The following GABRG3 variants were observed in gnomAD, a reference collection of about 807,000 sequenced individuals.
GABRG3 encodes the protein gamma-aminobutyric acid type A receptor subunit gamma3.
A neutral mutation model predicts 48.8 loss-of-function variants in GABRG3; 25 were observed. The observed-to-expected ratio is 0.51, with a 90% CI of 0.37 to 0.72. The LOEUF is 0.72. Among genes scored for constraint, GABRG3 ranks in the 30% least tolerant of loss-of-function variants. The pLI, the probability that GABRG3 is intolerant of heterozygous loss-of-function variation, is 0.00. For missense variants in GABRG3, 394 were observed against 577.9 expected (o/e 0.68, Z 3.26); for synonymous variants, 227 against 217.6 (o/e 1.04, Z -0.38).
At chr15:27,071,989 A>G (rs376959649) in intron 3 of GABRG3, among the ~76,000 whole-genome samples, 2 of 152,216 alleles carry the variant, frequency 1.3e-5, no homozygotes, top group African/African-American at 2.4e-5. Flanking sequence ...GACGGTATTT[A>G]AGCCATAAGC....
At chr15:27,357,138 G>T (rs146145720) in intron 5 of GABRG3, among the ~76,000 whole-genome samples, 1 of 152,064 alleles carries the variant, frequency 6.6e-6, no homozygotes, top group Non-Finnish European at 1.5e-5. Flanking sequence ...TGATCACGGC[G>T]CCTCTCATTG....
At chr15:27,172,119 A>G (rs970064782) in intron 3 of GABRG3, among the ~76,000 whole-genome samples, 2 of 152,186 alleles carry the variant, frequency 1.3e-5, no homozygotes, top group African/African-American at 4.8e-5. Context: ...GCCTCTTAAT[A>G]CCATTACAAT....
In GABRG3 at chr15:27,516,202, A is replaced by G. The variant is rs1891015260; in HGVS notation, c.713-3770A>G. Among the ~76,000 whole-genome samples, 3 of 152,182 alleles carry G rather than the reference A, an allele frequency of 2.0e-5. No individual in the cohort carries two copies. In the South Asian group the frequency reaches 6.2e-4, roughly 32 times the overall value. Reference sequence around the variant, plus strand: ...ATTAAAATAATAATTTTGCAAACATAAAGTTTAGTAAAATGAAGAAAAAGG... The same window carrying G: ...ATTAAAATAATAATTTTGCAAACATGAAGTTTAGTAAAATGAAGAAAAAGG... On this transcript the variant is annotated intron_variant, in intron 6 of 9. Coordinates refer to ENST00000615808, the MANE Select transcript of GABRG3 (RefSeq NM_033223.5).
At chr15:27,485,018 T>A (rs1207763926) in intron 6 of GABRG3, among the ~76,000 whole-genome samples, 1 of 152,214 alleles carries the variant, frequency 6.6e-6, no homozygotes, top group East Asian at 1.9e-4. Context: ...TAGCCCCCAC[T>A]CTTTAATTGT....
At chr15:27,216,789 T>TTTA in intron 3 of GABRG3, among the ~76,000 whole-genome samples, 1 of 124,664 alleles carries the variant, frequency 8.0e-6, no homozygotes, top group East Asian at 2.7e-4. Flanking sequence ...TTTTTTTTTT[T>TTTA]ATTATACTCT....
Position 26,971,504 on chromosome 15 carries a change from C to T in GABRG3, c.-32C>T, listed in dbSNP as rs1381682637. ...GGAGGAAGCCGCGCCCGGCCGAGGC[C>T]CCGGACCCTGCGCCCCGAGCTCCAC... On this transcript the variant is annotated 5_prime_UTR_variant, in exon 1 of 10. Transcript: ENST00000615808. The T allele has an allele frequency of 4.0e-6, 6 of 1,498,786 alleles. No individual in the cohort carries two copies. Among genetic ancestry groups the T allele is most frequent in the Non-Finnish European group, 4.5e-6 (5 of 1,122,554 alleles). The allele number at this position is 1,498,786 out of a possible 1,614,324, so 92.8% of individuals were successfully genotyped here. A position where few individuals can be genotyped will look rare whatever the true frequency, so the allele number is the denominator to read the frequency against.
chr15:27,376,806 G>T (rs899087856), intron 5 of GABRG3, among the ~76,000 whole-genome samples: 3 of 152,168 alleles, frequency 2.0e-5, no homozygotes, highest in Non-Finnish European at 4.4e-5. Flanking sequence ...ATGCCCTGGA[G>T]ACATTTTCCC....
At chr15:27,265,324 A>T (rs1890884102) in intron 3 of GABRG3, among the ~76,000 whole-genome samples, 1 of 152,232 alleles carries the variant, frequency 6.6e-6, no homozygotes. Flanking sequence ...TCATATTAAA[A>T]ATAAAAACTT....
chr15:27,529,791 C>G (rs1891374565), intron 9 of GABRG3, among the ~76,000 whole-genome samples: 1 of 147,542 alleles, frequency 6.8e-6, no homozygotes, highest in Non-Finnish European at 1.5e-5. Context: ...AGGAGAGAAA[C>G]ATTGACCTCT....
chr15:27,114,592 A>C (rs1897610140), intron 3 of GABRG3, among the ~76,000 whole-genome samples: 2 of 152,264 alleles, frequency 1.3e-5, no homozygotes, highest in Non-Finnish European at 2.9e-5. Flanking sequence ...AAAGAGAATA[A>C]TTTTAAAATG....
intron 2 of GABRG3, among the ~76,000 whole-genome samples, chr15:26,998,055 C>T (rs1895372684): frequency 6.6e-6 from 1 of 152,146 alleles, no homozygotes; most frequent in African/African-American, 2.4e-5. Context: ...TTGTGTTTTT[C>T]TCCAATTGCT....
intron 2 of GABRG3, among the ~76,000 whole-genome samples, chr15:27,020,575 CTAATTTT>C (rs1566911066): frequency 9.4e-6 from 1 of 106,642 alleles, no homozygotes; most frequent in African/African-American, 3.9e-5. Flanking sequence ...CCACGCCCGG[CTAATTTT>C]TTTTTTTTGT....
chr15:27,221,219 G>T (rs948669565), intron 3 of GABRG3, among the ~76,000 whole-genome samples: 2 of 152,094 alleles, frequency 1.3e-5, no homozygotes, highest in African/African-American at 4.8e-5. Context: ...CCTTTCTTCA[G>T]TGACCTTTTT....
intron 3 of GABRG3, among the ~76,000 whole-genome samples, chr15:27,255,561 A>C (rs1458434968): frequency 6.6e-6 from 1 of 152,168 alleles, no homozygotes; most frequent in Non-Finnish European, 1.5e-5. Context: ...ATATCTTTTC[A>C]AATGGCAGCT....
intron 3 of GABRG3, among the ~76,000 whole-genome samples, chr15:27,231,433 G>A (rs1889796217): frequency 6.6e-6 from 1 of 152,236 alleles, no homozygotes. Context: ...TCTGATAAAA[G>A]TGTTGTGAGC....
intron 6 of GABRG3, among the ~76,000 whole-genome samples, chr15:27,503,733 C>G (rs992331118): frequency 6.6e-6 from 1 of 152,164 alleles, no homozygotes; most frequent in African/African-American, 2.4e-5. Flanking sequence ...TCACTTATTT[C>G]CTGTCTGCAT....
intron 5 of GABRG3, among the ~76,000 whole-genome samples, chr15:27,463,380 A>G (rs888196261): frequency 1.3e-5 from 2 of 152,222 alleles, no homozygotes; most frequent in Admixed American, 6.5e-5. Context: ...CTAATTTGGT[A>G]TGTAAATATT....
chr15:27,254,012 C>T (rs1335640740), intron 3 of GABRG3, among the ~76,000 whole-genome samples: 2 of 152,340 alleles, frequency 1.3e-5, no homozygotes, highest in African/African-American at 2.4e-5. Context: ...GTGACCTGAT[C>T]TCATGCTTGA....
intron 5 of GABRG3, among the ~76,000 whole-genome samples, chr15:27,465,057 A>G (rs1889563086): frequency 6.6e-6 from 1 of 152,222 alleles, no homozygotes. Context: ...AGGACTTAAG[A>G]AGGCACATGC....
Sources: gnomAD v4.1 joint callset for allele counts (sites outside exome capture counted in the v4.1 genomes callset) on GRCh38, gnomAD v4.1.1 for gene constraint, MANE v1.5 for transcripts, NCBI Gene and HGNC (gene_info 2026-07-23, HGNC 2026-07-21) for gene names.